The following TACC2 variants were observed in gnomAD, a reference collection of about 807,000 sequenced individuals.
TACC2 encodes transforming acidic coiled-coil-containing protein 2.
TACC2 carries 137 observed loss-of-function variants against 227.3 expected under a neutral mutation model. The ratio of observed to expected loss-of-function variants is 0.60; its 90% CI spans 0.52 to 0.69. The LOEUF (loss-of-function observed/expected upper bound fraction) is 0.69, where lower values mean the gene tolerates loss of function less well. Among genes scored for constraint, TACC2 ranks in the 30% least tolerant of loss-of-function variants. TACC2 has a pLI of 0.00. For missense variants in TACC2, 3,470 were observed against 3,694.4 expected, an observed-to-expected ratio of 0.94 and a Z score of 1.57; for synonymous variants, 1,523 against 1,487.5, an observed-to-expected ratio of 1.02 and a Z score of -0.55.
chr10:122,130,293 G>A (rs1251218600), intron 5 of TACC2, among the ~76,000 whole-genome samples: 1 of 152,136 alleles, frequency 6.6e-6, no homozygotes, highest in African/African-American at 2.4e-5. Context: ...ACTGTGCCCA[G>A]CCAGACTCCC....
intron 5 of TACC2, among the ~76,000 whole-genome samples, chr10:122,109,727 G>T (rs2083364939): frequency 6.6e-6 from 1 of 152,188 alleles, no homozygotes; most frequent in African/African-American, 2.4e-5. Context: ...TGGGATTGTG[G>T]ATAAAATGGA....
chr10:122,250,109 C>G (rs1359680703), intron 22 of TACC2, among the ~76,000 whole-genome samples: 2 of 152,198 alleles, frequency 1.3e-5, no homozygotes, highest in Non-Finnish European at 2.9e-5. Flanking sequence ...ATTCCAGGGA[C>G]AGGGGTGATC....
chr10:122,023,604 T>G (rs1274023855), intron 2 of TACC2: 1 of 151,880 alleles, frequency 6.6e-6, no homozygotes, highest in Non-Finnish European at 1.5e-5. Flanking sequence ...ATGAGAAGAC[T>G]TGGACACAGG....
chr10:122,008,264 A>ATTATTATTATTAT, intron 1 of TACC2, among the ~76,000 whole-genome samples: 3,288 of 134,576 alleles, frequency 0.024, 59 homozygotes, highest in Admixed American at 0.044. Context: ...TATTATTATT[A>ATTATTATTATTAT]TTTTTTTTTT....
At chr10:122,193,629 C>T (rs2094478998) in intron 7 of TACC2, among the ~76,000 whole-genome samples, 1 of 152,172 alleles carries the variant, frequency 6.6e-6, no homozygotes, top group African/African-American at 2.4e-5. Flanking sequence ...CATTCAGCCA[C>T]TCTAAGTTTC....
chr10:122,150,851 A>G lies in TACC2; in HGVS notation c.5834+7145A>G, dbSNP rs2091964964. Among the ~76,000 whole-genome samples, 1 of 152,214 alleles carries G rather than the reference A, an allele frequency of 6.6e-6. No individual in the cohort carries two copies. The highest frequency in any genetic ancestry group is 1.5e-5 in the Non-Finnish European group (1 of 68,028). Reference sequence around the variant, plus strand: ...TTTGCATTTTTTGATCCTGCCAGCCAGCCTCTCGGCAGATACATCCCGGTT... The same window carrying G: ...TTTGCATTTTTTGATCCTGCCAGCCGGCCTCTCGGCAGATACATCCCGGTT... On this transcript the variant is annotated intron_variant, in intron 7 of 22. Coordinates refer to ENST00000369005, the MANE Select transcript of TACC2 (RefSeq NM_206862.4). The surrounding 1 kb of genome is among the most constrained non-coding windows in gnomAD (Gnocchi z 4.0).
rs1471657765 is a variant in TACC2, at chr10:122,085,884, G to T, written c.3384G>T (p.Gly1128=). ...PSAGEQGGEA[G]AAETGGSAGA... The stretch of plus-strand genomic sequence containing the variant: ...CTGGGGAGCAAGGTGGTGAAGCCGG[G>T]GCTGCTGAGACTGGTGGCAGCGCTG... Residue 1128 remains glycine, a synonymous_variant, in exon 4 of 23, where the codon GGG becomes GGT. Transcript: ENST00000369005. 2.5e-6 allele frequency: 4 copies of T among 1,613,284 alleles called. No homozygotes were observed. The highest frequency in any genetic ancestry group is 8.5e-7 in the Non-Finnish European group (1 of 1,179,698).
intron 7 of TACC2, among the ~76,000 whole-genome samples, chr10:122,159,835 G>T (rs1287481258): frequency 6.6e-6 from 1 of 152,098 alleles, no homozygotes; most frequent in African/African-American, 2.4e-5. Context: ...TTAGCAGCTC[G>T]GGGTCCATTG....
chr10:122,154,201 G>A (rs1409476620), intron 7 of TACC2, among the ~76,000 whole-genome samples: 1 of 152,226 alleles, frequency 6.6e-6, no homozygotes, highest in African/African-American at 2.4e-5. Context: ...TAGTTATTGA[G>A]GGCTTCCAAG....
chr10:122,080,313 G>T (rs1437783072), intron 3 of TACC2, among the ~76,000 whole-genome samples: 2 of 149,966 alleles, frequency 1.3e-5, no homozygotes, highest in Non-Finnish European at 3.0e-5. Context: ...GCTCACTGCA[G>T]CCTCAACCTC....
intron 14 of TACC2, among the ~76,000 whole-genome samples, 177 bp downstream of exon 14, chr10:122,228,185 G>A (rs975129321): frequency 6.6e-6 from 1 of 152,242 alleles, no homozygotes; most frequent in African/African-American, 2.4e-5. Context: ...AGGATGAGGG[G>A]AAGGTTCTCT....
In TACC2 at chr10:122,086,870, G is replaced by A; in HGVS notation, c.4370G>A (p.Gly1457Glu). The A allele has an allele frequency of 1.2e-6, 2 of 1,613,972 alleles. No homozygotes were observed. The highest frequency in any genetic ancestry group is 2.2e-5 in the South Asian group (2 of 91,074). The change falls in exon 4 of 23, where the codon GGA becomes GAA. Residue 1457 changes from glycine to glutamate, a missense_variant. Physicochemically the swap from Gly to Glu is moderately conservative, Grantham distance 98. Transcript: ENST00000369005. ...GPEKLLDGPP[G>E]VDVTLLPAPP... ...GAGAAGCTTCTAGATGGGCCTCCAG[G>A]AGTGGATGTCACCCTTCTCCCTGCA...
At chr10:122,006,954 C>T (rs1026929551) in intron 1 of TACC2, among the ~76,000 whole-genome samples, 9 of 151,098 alleles carry the variant, frequency 6.0e-5, no homozygotes, top group South Asian at 2.1e-4. Context: ...CTCTGCCTCC[C>T]GGGTTCCAGT....
chr10:122,192,662 G>A (rs1238991834), intron 7 of TACC2: 1 of 456,368 alleles, frequency 2.2e-6, no homozygotes. Context: ...GGGGACAGAG[G>A]CTGTTCTTCA....
chr10:122,085,803 G>A lies in TACC2; in HGVS notation c.3303G>A (p.Glu1101=). The change falls in exon 4 of 23, where the codon GAG becomes GAA. Residue 1101 remains glutamate, a synonymous_variant. Coordinates refer to ENST00000369005, the MANE Select transcript of TACC2 (RefSeq NM_206862.4). ...QPVPAPQQKM[E]CWATSDAESP... is the part of the protein sequence containing the mutation. Reference sequence around the variant, plus strand: ...TGCCGGCCCCGCAGCAGAAAATGGAGTGCTGGGCCACTTCGGATGCAGAGT... The same window carrying A: ...TGCCGGCCCCGCAGCAGAAAATGGAATGCTGGGCCACTTCGGATGCAGAGT... 1.9e-6 allele frequency: 3 copies of A among 1,613,382 alleles called. No homozygotes were observed. Among genetic ancestry groups the A allele is most frequent in the Non-Finnish European group, 2.5e-6 (3 of 1,179,610 alleles).
rs2079968715 is a variant in TACC2, at chr10:122,085,240, C to T, written c.2740C>T (p.Pro914Ser). ...CCCCAAAGGCACCCTGTCTGATACT[C>T]CAACTTCATCTCCCACTGACATGGT... ...QLPKGTLSDTPTSSPTDMVWE... is the reference protein window; with the variant it reads ...QLPKGTLSDTSTSSPTDMVWE... Residue 914 changes from proline (P) to serine (S), a missense_variant, in exon 4 of 23, where the codon CCA (proline) becomes TCA (serine). Physicochemically the swap from Pro to Ser is moderately conservative, Grantham distance 74. Transcript: ENST00000369005. 2 of 1,613,918 alleles carry T rather than the reference C, an allele frequency of 1.2e-6. No homozygotes were observed. Among genetic ancestry groups the T allele is most frequent in the Admixed American group, 1.7e-5 (1 of 59,992 alleles).
At chr10:122,002,151 T>C (rs1019658568) in intron 1 of TACC2, among the ~76,000 whole-genome samples, 7 of 152,210 alleles carry the variant, frequency 4.6e-5, no homozygotes, top group African/African-American at 1.2e-4. Context: ...TGTATCCTCA[T>C]ATGATAAAGG....
At chr10:122,188,157 C>A (rs576224196) in intron 7 of TACC2, among the ~76,000 whole-genome samples, 2 of 152,290 alleles carry the variant, frequency 1.3e-5, no homozygotes, top group South Asian at 4.2e-4. Context: ...GGAAGTTAAA[C>A]CGTGAGCTGA....
intron 7 of TACC2, among the ~76,000 whole-genome samples, chr10:122,147,467 TCAG>T (rs1192898200): frequency 6.6e-6 from 1 of 152,162 alleles, no homozygotes; most frequent in Non-Finnish European, 1.5e-5. Context: ...TTCCCCCATT[TCAG>T]TACTGTCGTC....
Sources: gnomAD v4.1 joint callset for allele counts (sites outside exome capture counted in the v4.1 genomes callset) on GRCh38, gnomAD v4.1.1 for gene constraint, Gnocchi (gnomAD v3.1) non-coding constraint, MANE v1.5 for transcripts, NCBI Gene and HGNC (gene_info 2026-07-23, HGNC 2026-07-21) for gene names.